Variants in RUNX2 observed in about 807,000 individuals in gnomAD.
RUNX2 encodes runt-related transcription factor 2.
Under a neutral mutation model 51.7 loss-of-function variants are expected in RUNX2, and 10 were observed. The ratio of observed to expected loss-of-function variants is 0.19; its 90% CI spans 0.12 to 0.33. The LOEUF (loss-of-function observed/expected upper bound fraction) is 0.33, where lower values mean the gene tolerates loss of function less well. Among genes scored for constraint, RUNX2 ranks in the 10% least tolerant of loss-of-function variants. RUNX2 has a pLI of 1.00. For synonymous variants in RUNX2, 276 were observed against 273.6 expected (o/e 1.01, Z -0.09); for missense variants, 562 against 691.3 (o/e 0.81, Z 2.10).
In RUNX2 at chr6:45,467,127, T is replaced by C. The variant is rs56071391; in HGVS notation, c.686-24814T>C. 8.4e-3 allele frequency among the ~76,000 whole-genome samples: 1,279 copies of C among 152,248 alleles called. 9 individuals carry two copies. Among genetic ancestry groups the C allele is most frequent in the Admixed American group, 0.016 (244 of 15,282 alleles). ...GGTCCATGCCTTACTCTGGCCGACTTTCAGTCCTCATGATCCTTGGCCTCT... is the reference window on the plus strand; with the variant it reads ...GGTCCATGCCTTACTCTGGCCGACTCTCAGTCCTCATGATCCTTGGCCTCT... On this transcript the variant is annotated intron_variant, in intron 5 of 8. Transcript: ENST00000647337.
intron 7 of RUNX2, among the ~76,000 whole-genome samples, chr6:45,542,600 A>C (rs1460088187): frequency 6.6e-6 from 1 of 152,242 alleles, no homozygotes; most frequent in Non-Finnish European, 1.5e-5. Flanking sequence ...GATTAGATCA[A>C]CAAGGCCTAA....
chr6:45,345,707 TA>T (rs1276122914), intron 2 of RUNX2, among the ~76,000 whole-genome samples: 1 of 152,230 alleles, frequency 6.6e-6, no homozygotes, highest in African/African-American at 2.4e-5. Context: ...CAACTCATTT[TA>T]CATGATGCAT....
chr6:45,494,642 T>C (rs1215505866), intron 6 of RUNX2, among the ~76,000 whole-genome samples: 5 of 152,186 alleles, frequency 3.3e-5, no homozygotes, highest in Admixed American at 6.5e-5. Flanking sequence ...TGTTCCCATA[T>C]TGTGAGTGAG....
intron 7 of RUNX2, among the ~76,000 whole-genome samples, chr6:45,522,388 A>G (rs922864953): frequency 1.4e-4 from 21 of 152,202 alleles, no homozygotes; most frequent in Non-Finnish European, 2.1e-4. Flanking sequence ...GCTCTATTAT[A>G]ATAATTCACA....
chr6:45,389,796 G>A (rs1797429020), intron 2 of RUNX2, among the ~76,000 whole-genome samples: 1 of 152,072 alleles, frequency 6.6e-6, no homozygotes, highest in South Asian at 2.1e-4. Context: ...GATCACTTGA[G>A]GCCAGGAATT....
chr6:45,424,970 A>G (rs1448118712), intron 3 of RUNX2, among the ~76,000 whole-genome samples: 1 of 152,188 alleles, frequency 6.6e-6, no homozygotes, highest in Non-Finnish European at 1.5e-5. Flanking sequence ...TACAATGTCC[A>G]TCGTCCAAGG....
chr6:45,335,045 C>G (rs1168820594), intron 2 of RUNX2, among the ~76,000 whole-genome samples: 1 of 151,130 alleles, frequency 6.6e-6, no homozygotes, highest in Non-Finnish European at 1.5e-5. Flanking sequence ...TAATAGATTC[C>G]TATTTATAAA....
chr6:45,479,493 C>T (rs1414226232), intron 5 of RUNX2, among the ~76,000 whole-genome samples: 4 of 152,140 alleles, frequency 2.6e-5, no homozygotes, highest in Admixed American at 6.5e-5. Context: ...AGACATGGAA[C>T]TAATGTTAGT....
In RUNX2 at chr6:45,390,215, C is replaced by T. The variant is rs1042710779; in HGVS notation, c.59-32378C>T. ...CTTCTCAGTAATGTGATAATAATGT[C>T]AATGATAATGTCAATAACTCAGCAT... On this transcript the variant is annotated intron_variant, in intron 2 of 8. Coordinates refer to ENST00000647337, the MANE Select transcript of RUNX2 (RefSeq NM_001024630.4). Among the ~76,000 whole-genome samples the T allele has an allele frequency of 6.9e-4, 105 of 151,918 alleles. 1 individual carries two copies. Among genetic ancestry groups the T allele is most frequent in the African/African-American group, 2.3e-3 (96 of 41,512 alleles).
At chr6:45,492,604 A>G (rs1038638760) in intron 6 of RUNX2, among the ~76,000 whole-genome samples, 3 of 152,220 alleles carry the variant, frequency 2.0e-5, no homozygotes, top group African/African-American at 7.2e-5. Flanking sequence ...CTCATCGGGC[A>G]CACAGAATTC....
intron 2 of RUNX2, among the ~76,000 whole-genome samples, chr6:45,380,377 A>G (rs1009423016): frequency 1.5e-4 from 23 of 152,226 alleles, no homozygotes; most frequent in Non-Finnish European, 5.9e-5. Context: ...AAAATGAAGC[A>G]TTGTTAGCGT....
At chr6:45,436,621 A>C (rs1056512542) in intron 4 of RUNX2, among the ~76,000 whole-genome samples, 5 of 152,172 alleles carry the variant, frequency 3.3e-5, no homozygotes, top group Non-Finnish European at 7.3e-5. Context: ...ATTTATACTC[A>C]GTAACAAATG....
At chr6:45,422,366 A>C (rs903375592) in intron 2 of RUNX2, 9 of 507,026 alleles carry the variant, frequency 1.8e-5, no homozygotes, top group Non-Finnish European at 3.2e-5. Context: ...CCTACCCGCC[A>C]GCCCGACTGC....
intron 2 of RUNX2, among the ~76,000 whole-genome samples, chr6:45,412,984 C>T (rs927351002): frequency 1.3e-5 from 2 of 152,148 alleles, no homozygotes; most frequent in Non-Finnish European, 1.5e-5. Context: ...CTCCTGGCCT[C>T]AAGTGATCAG....
chr6:45,432,214 G>C (rs1798562202), intron 4 of RUNX2, among the ~76,000 whole-genome samples, 195 bp downstream of exon 4: 1 of 152,084 alleles, frequency 6.6e-6, no homozygotes. Context: ...TTATGATATT[G>C]AAAATTCAAA....
Position 45,422,681 on chromosome 6 carries a change from A to ACAGCAGCAG in RUNX2, c.150_158dup (p.Gln69_Gln71dup). 6.2e-7 allele frequency: 1 copy of ACAGCAGCAG among 1,602,462 alleles called. No homozygotes were observed. Among genetic ancestry groups the ACAGCAGCAG allele is most frequent in the South Asian group, 1.1e-5 (1 of 89,646 alleles). ...ACGTGAGCCCGGTGGTGGCTGCGCA[A>ACAGCAGCAG]CAGCAGCAGCAACAGCAGCAGCAGC... On this transcript the variant is annotated inframe_insertion, in exon 3 of 9. Coordinates refer to ENST00000647337, the MANE Select transcript of RUNX2 (RefSeq NM_001024630.4).
chr6:45,463,657 T>C (rs891826643), intron 5 of RUNX2, among the ~76,000 whole-genome samples: 1 of 152,222 alleles, frequency 6.6e-6, no homozygotes, highest in Non-Finnish European at 1.5e-5. Flanking sequence ...TTCTCCCTCC[T>C]TTTATTTTTG....
intron 2 of RUNX2, among the ~76,000 whole-genome samples, chr6:45,416,003 T>C (rs1798062339): frequency 6.6e-6 from 1 of 152,206 alleles, no homozygotes; most frequent in Non-Finnish European, 1.5e-5. Context: ...GAGTCATTGC[T>C]TTTAGAAATT....
chr6:45,381,315 C>T (rs961968002), intron 2 of RUNX2, among the ~76,000 whole-genome samples: 6 of 152,158 alleles, frequency 3.9e-5, no homozygotes, highest in Non-Finnish European at 7.3e-5. Flanking sequence ...ACCTTACAGC[C>T]CTAAAATTCT....
Sources: allele counts gnomAD v4.1 joint callset (sites outside exome capture counted in the v4.1 genomes callset), GRCh38; gene constraint gnomAD v4.1.1; transcripts MANE v1.5; gene names NCBI Gene and HGNC (gene_info 2026-07-23, HGNC 2026-07-21).